Variants in NDRG3 observed in about 807,000 individuals in gnomAD.
NDRG3 encodes NDRG family member 3.
In NDRG3, 23 loss-of-function variants were observed where a neutral mutation model predicts 57.2. The ratio of observed to expected loss-of-function variants is 0.40; its 90% CI spans 0.29 to 0.57. The LOEUF (loss-of-function observed/expected upper bound fraction) is 0.57. Among genes scored for constraint, NDRG3 ranks in the 20% least tolerant of loss-of-function variants. The probability of loss-of-function intolerance (pLI) is 0.42; values close to 1 mark genes in which losing one functional copy is unlikely to be tolerated. For synonymous variants in NDRG3, 132 were observed against 162.6 expected (o/e 0.81, Z 1.43); for missense variants, 384 against 457.3 (o/e 0.84, Z 1.46).
intron 3 of NDRG3, among the ~76,000 whole-genome samples, chr20:36,701,244 G>A (rs1010755352): frequency 1.4e-4 from 22 of 152,100 alleles, no homozygotes; most frequent in African/African-American, 5.3e-4. Context: ...TTAAACACAA[G>A]GTCTTTTTAA....
chr20:36,705,513 T>G (rs1163076401), intron 3 of NDRG3, among the ~76,000 whole-genome samples: 1 of 152,140 alleles, frequency 6.6e-6, no homozygotes, highest in Non-Finnish European at 1.5e-5. Flanking sequence ...GTACTTAACA[T>G]AAAACGCATA....
intron 3 of NDRG3, among the ~76,000 whole-genome samples, chr20:36,702,616 C>T (rs1222789224): frequency 1.2e-4 from 18 of 151,810 alleles, no homozygotes; most frequent in Admixed American, 1.1e-3. Context: ...CTCTGCCTCC[C>T]GGGTTCAAGC....
chr20:36,675,135 C>T (rs1218220425), intron 8 of NDRG3, among the ~76,000 whole-genome samples: 1 of 148,142 alleles, frequency 6.8e-6, no homozygotes, highest in African/African-American at 2.5e-5. Context: ...TCTTGACTCA[C>T]TACAACCTCC....
At chr20:36,727,548 C>CTT (rs753248188) in intron 1 of NDRG3, among the ~76,000 whole-genome samples, 1 of 138,204 alleles carries the variant, frequency 7.2e-6, no homozygotes. Context: ...CTTTTCTTTT[C>CTT]TTTTTTTTTT....
chr20:36,680,316 C>A (rs886619010), intron 8 of NDRG3, among the ~76,000 whole-genome samples: 2 of 151,468 alleles, frequency 1.3e-5, no homozygotes, highest in Admixed American at 1.3e-4. Context: ...GAAACCTGGT[C>A]TCTCCTAAAA....
At chr20:36,712,588 T>TATATATATATATATA (rs1555804489) in intron 2 of NDRG3, among the ~76,000 whole-genome samples, 4 of 10,934 alleles carry the variant, frequency 3.7e-4, no homozygotes, top group East Asian at 2.7e-3. Flanking sequence ...TATATATATA[T>TATATATATATATATA]TTTTTTTTTT....
intron 8 of NDRG3, among the ~76,000 whole-genome samples, chr20:36,672,171 T>C (rs200667157): frequency 3.3e-4 from 50 of 152,336 alleles, no homozygotes; most frequent in Non-Finnish European, 6.2e-4. Flanking sequence ...AATGAGTTGT[T>C]TACAGAATGT....
At chr20:36,731,807 C>T (rs1198349446) in intron 1 of NDRG3, among the ~76,000 whole-genome samples, 1 of 147,116 alleles carries the variant, frequency 6.8e-6, no homozygotes, top group East Asian at 2.0e-4. Context: ...AAGACTCCAT[C>T]TCAAAAAAAA....
intron 1 of NDRG3, among the ~76,000 whole-genome samples, chr20:36,728,806 A>G (rs1600965257): frequency 6.6e-6 from 1 of 151,764 alleles, no homozygotes; most frequent in Non-Finnish European, 1.5e-5. Flanking sequence ...GCTCACTGCA[A>G]CCTCCGCCTC....
rs911258790 is a variant in NDRG3 at position 36,746,032 on chromosome 20, G to C, written c.-49+13C>G. The C allele has an allele frequency of 1.2e-5, 4 of 329,742 alleles. No individual in the cohort carries two copies. Among genetic ancestry groups the C allele is most frequent in the African/African-American group, 8.7e-5 (4 of 46,038 alleles). The allele number at this position is 329,742 out of a possible 1,614,324, so 20.4% of individuals were successfully genotyped here. On this transcript the variant is annotated intron_variant, in intron 1 of 15. Transcript: ENST00000349004. ...GCGCGCCCCCCGCGGGCCGGGCGGA[G>C]GCGCTCACTCACCTGAGGCGCGGGC... is the stretch of plus-strand genomic sequence containing the variant.
At chr20:36,693,500 C>T (rs905394997) in intron 3 of NDRG3, among the ~76,000 whole-genome samples, 2 of 151,846 alleles carry the variant, frequency 1.3e-5, no homozygotes, top group Non-Finnish European at 2.9e-5. Flanking sequence ...GGGTCCCCAA[C>T]ACCTGGGCCA....
At chr20:36,672,690 G>A (rs1050567555) in intron 8 of NDRG3, among the ~76,000 whole-genome samples, 5 of 152,040 alleles carry the variant, frequency 3.3e-5, no homozygotes, top group African/African-American at 9.7e-5. Flanking sequence ...TTAGCCAGGC[G>A]TGGTGGTGTG....
intron 13 of NDRG3, among the ~76,000 whole-genome samples, chr20:36,658,347 G>A (rs191303473): frequency 6.6e-6 from 1 of 152,230 alleles, no homozygotes; most frequent in Non-Finnish European, 1.5e-5. Context: ...GGGCAGGCTG[G>A]TCTTGAACTC....
chr20:36,664,344 C>T (rs991578835), intron 12 of NDRG3, among the ~76,000 whole-genome samples: 7 of 151,976 alleles, frequency 4.6e-5, no homozygotes, highest in African/African-American at 1.7e-4. Context: ...AAATTTTTTT[C>T]ATAGTTTCTA....
chr20:36,693,357 A>G (rs1982505336), intron 3 of NDRG3, among the ~76,000 whole-genome samples: 1 of 151,100 alleles, frequency 6.6e-6, no homozygotes, highest in African/African-American at 2.4e-5. Flanking sequence ...CCCACTGTGT[A>G]GTCAAAAATC....
intron 14 of NDRG3, 41 bp from the exon 15 acceptor site, chr20:36,656,452 CAG>C (rs1568619542): frequency 2.0e-5 from 33 of 1,614,088 alleles, no homozygotes; most frequent in Non-Finnish European, 2.6e-5. Context: ...TTTGCATAGA[CAG>C]AGAAGCAGAA....
chr20:36,654,391 C>T (rs992416489), intron 15 of NDRG3, among the ~76,000 whole-genome samples: 2 of 152,182 alleles, frequency 1.3e-5, no homozygotes, highest in Non-Finnish European at 2.9e-5. Flanking sequence ...GCAGCCACTC[C>T]CCTAGCTGTC....
chr20:36,663,085 A>G lies in NDRG3; in HGVS notation c.810+1961T>C, dbSNP rs192052665. On this transcript the variant is annotated intron_variant, in intron 12 of 15. Transcript: ENST00000349004. ...CATGTATCTCCACCTTTTTAGCCAGAAAACACTGACCTTTATAAAGTTGCT... is the reference window on the plus strand; with the variant it reads ...CATGTATCTCCACCTTTTTAGCCAGGAAACACTGACCTTTATAAAGTTGCT... 4.0e-3 allele frequency among the ~76,000 whole-genome samples: 616 copies of G among 152,318 alleles called. 3 individuals are homozygous for G. Among genetic ancestry groups the G allele is most frequent in the African/African-American group, 0.014 (591 of 41,572 alleles).
chr20:36,658,720 A>C (rs1189739726), intron 13 of NDRG3, among the ~76,000 whole-genome samples: 1 of 152,186 alleles, frequency 6.6e-6, no homozygotes, highest in African/African-American at 2.4e-5. Context: ...AGCTAAGATG[A>C]AACAATGACA....
Sources: gnomAD v4.1 joint callset for allele counts (sites outside exome capture counted in the v4.1 genomes callset) on GRCh38, gnomAD v4.1.1 for gene constraint, MANE v1.5 for transcripts, NCBI Gene and HGNC (gene_info 2026-07-23, HGNC 2026-07-21) for gene names.